The following MED12L variants were observed in gnomAD, a reference collection of about 807,000 sequenced individuals.
The protein encoded by MED12L is mediator of RNA polymerase II transcription subunit 12-like protein.
A neutral mutation model predicts 281.3 loss-of-function variants in MED12L; 60 were observed. That is an observed-to-expected ratio of 0.21 (90% CI 0.17 to 0.26). MED12L has a LOEUF of 0.26. Ranked by LOEUF, MED12L falls within the 10% of genes least tolerant of loss-of-function variation. The pLI is 1.00. For synonymous variants in MED12L, 974 were observed against 987.2 expected, an observed-to-expected ratio of 0.99 and a Z score of 0.25; for missense variants, 2,146 against 2,680.9, an observed-to-expected ratio of 0.80 and a Z score of 4.41.
chr3:151,324,745 C>G (rs1172817231), intron 16 of MED12L, among the ~76,000 whole-genome samples: 1 of 152,176 alleles, frequency 6.6e-6, no homozygotes, highest in African/African-American at 2.4e-5. Context: ...CAGCCGATTC[C>G]GGTAGCCACT....
intron 5 of MED12L, among the ~76,000 whole-genome samples, chr3:151,139,519 C>T (rs1278320440): frequency 1.3e-5 from 2 of 152,094 alleles, no homozygotes; most frequent in African/African-American, 4.8e-5. Flanking sequence ...TTATTGATGC[C>T]TGGTAAGTGC....
intron 5 of MED12L, among the ~76,000 whole-genome samples, chr3:151,141,189 T>TTTTTTTTTTTTTGTTTTTTTTTTTTTTG (rs1553808533): frequency 2.9e-5 from 4 of 138,048 alleles, no homozygotes; most frequent in African/African-American, 1.1e-4. Flanking sequence ...TTTTTTTTGT[T>TTTTTTTTTTTTTGTTTTTTTTTTTTTTG]TTTTTTTTTT....
intron 43 of MED12L, among the ~76,000 whole-genome samples, chr3:151,418,194 A>AACAT (rs1413293749): frequency 7.2e-5 from 11 of 152,150 alleles, no homozygotes; most frequent in African/African-American, 2.7e-4. Context: ...CTGCCATTTA[A>AACAT]ACATACATGT....
chr3:151,175,229 A>G (rs1452579013), intron 11 of MED12L, among the ~76,000 whole-genome samples: 4 of 152,208 alleles, frequency 2.6e-5, no homozygotes, highest in African/African-American at 2.4e-5. Flanking sequence ...ACTTGCTAAT[A>G]TAACTACACT....
chr3:151,271,615 C>T (rs1740962213), intron 16 of MED12L, among the ~76,000 whole-genome samples: 1 of 152,174 alleles, frequency 6.6e-6, no homozygotes, highest in South Asian at 2.1e-4. Flanking sequence ...TGCTCATCAA[C>T]AGATTAAAAT....
At chr3:151,351,573 C>T (rs942620035) in intron 17 of MED12L, among the ~76,000 whole-genome samples, 2 of 152,066 alleles carry the variant, frequency 1.3e-5, no homozygotes, top group Admixed American at 6.5e-5. Flanking sequence ...TTTTCTCTGT[C>T]TTAGAGAAAA....
intron 37 of MED12L, 38 bp downstream of exon 37, chr3:151,388,210 CATTT>C (rs1713721792): frequency 6.5e-7 from 1 of 1,550,032 alleles, no homozygotes; most frequent in African/African-American, 1.4e-5. Flanking sequence ...GGCTCATTAG[CATTT>C]AGTATGAGAT....
chr3:151,351,242 T>G (rs1753203824), intron 17 of MED12L, among the ~76,000 whole-genome samples: 1 of 152,240 alleles, frequency 6.6e-6, no homozygotes, highest in South Asian at 2.1e-4. Context: ...AGGTTCTCTT[T>G]CTTCCCGGTC....
intron 16 of MED12L, among the ~76,000 whole-genome samples, chr3:151,204,874 G>C (rs985671275): frequency 1.3e-5 from 2 of 152,250 alleles, no homozygotes; most frequent in East Asian, 3.9e-4. Context: ...AGACACAATT[G>C]AAAAGTACAA....
At chr3:151,356,508 C>T (rs1258258631) in intron 19 of MED12L, among the ~76,000 whole-genome samples, 1 of 152,130 alleles carries the variant, frequency 6.6e-6, no homozygotes, top group South Asian at 2.1e-4. Context: ...TGTGAATTAA[C>T]AGTCTTAAAC....
At chr3:151,251,123 T>C (rs969693320) in intron 16 of MED12L, among the ~76,000 whole-genome samples, 1 of 152,198 alleles carries the variant, frequency 6.6e-6, no homozygotes, top group Non-Finnish European at 1.5e-5. Flanking sequence ...GATTCCATCC[T>C]GAGCCCCATG....
intron 16 of MED12L, among the ~76,000 whole-genome samples, chr3:151,311,969 G>T (rs1444869761): frequency 1.3e-5 from 2 of 152,170 alleles, no homozygotes; most frequent in African/African-American, 4.8e-5. Context: ...GGTTGCGGAG[G>T]TTGCAGAGGT....
rs184365742 is a variant in MED12L at position 151,128,617 on chromosome 3, A to G, written c.556+633A>G. On this transcript the variant is annotated intron_variant, in intron 5 of 44. Transcript: ENST00000687756. The stretch of plus-strand genomic sequence containing the variant: ...TTGTACTTGGTTGGTCTTCTCTGGA[A>G]TATTTGCATGCTTCTGTCTCTTCAT... Among the ~76,000 whole-genome samples, 3 of 152,218 alleles carry G rather than the reference A, an allele frequency of 2.0e-5. No individual in the cohort carries two copies. The East Asian group carries it at 5.8e-4, about 29-fold the overall frequency.
At chr3:151,326,553 G>A (rs1749620062) in intron 16 of MED12L, 1 of 152,304 alleles carries the variant, frequency 6.6e-6, no homozygotes, top group Non-Finnish European at 1.5e-5. Flanking sequence ...TTTCACAGAT[G>A]GATAAGAGTC....
At chr3:151,326,034 A>G (rs1263994275) in intron 16 of MED12L, among the ~76,000 whole-genome samples, 1 of 152,212 alleles carries the variant, frequency 6.6e-6, no homozygotes, top group Non-Finnish European at 1.5e-5. Context: ...ACAGTTACAA[A>G]TTTTACTTAA....
intron 16 of MED12L, among the ~76,000 whole-genome samples, chr3:151,211,295 G>A (rs1231384786): frequency 6.6e-6 from 1 of 151,024 alleles, no homozygotes; most frequent in African/African-American, 2.4e-5. Flanking sequence ...GCCCAGTAGG[G>A]GGCATTTAAA....
Position 151,396,493 on chromosome 3 carries a change from A to G in MED12L, c.5820+1626A>G, listed in dbSNP as rs377664602. ...ATACAAAAATTAGGCATGGTAGAGCATGCCACACTGTAGTCCCAGCTACTT... is the reference window on the plus strand; with the variant it reads ...ATACAAAAATTAGGCATGGTAGAGCGTGCCACACTGTAGTCCCAGCTACTT... On this transcript the variant is annotated intron_variant, in intron 39 of 44. Coordinates refer to ENST00000687756, the MANE Select transcript of MED12L (RefSeq NM_001393769.1). Among the ~76,000 whole-genome samples the G allele has an allele frequency of 5.3e-4, 80 of 152,306 alleles. 1 individual carries two copies. The South Asian group carries it at 0.014, about 26-fold the overall frequency.
intron 11 of MED12L, among the ~76,000 whole-genome samples, chr3:151,172,119 G>C (rs1189639195): frequency 6.6e-6 from 1 of 152,200 alleles, no homozygotes; most frequent in East Asian, 1.9e-4. Flanking sequence ...ATGTGGGAGA[G>C]AGTACGTGCA....
At chr3:151,376,675 C>A in intron 28 of MED12L, 125 bp from the exon 29 acceptor site, 1 of 775,686 alleles carries the variant, frequency 1.3e-6, no homozygotes, top group Non-Finnish European at 2.1e-6. Flanking sequence ...CCTTTTGACT[C>A]ATATAAATTA....
Sources: allele counts gnomAD v4.1 joint callset (sites outside exome capture counted in the v4.1 genomes callset), GRCh38; gene constraint gnomAD v4.1.1; transcripts MANE v1.5; gene names NCBI Gene and HGNC (gene_info 2026-07-23, HGNC 2026-07-21).